The following WWOX variants were observed in gnomAD, a reference collection of about 807,000 sequenced individuals.
WWOX encodes WW domain containing oxidoreductase, also known as WW domain-containing oxidoreductase.
A neutral mutation model predicts 46.2 loss-of-function variants in WWOX; 69 were observed. The ratio of observed to expected loss-of-function variants is 1.49; its 90% CI spans 1.23 to 1.82. The LOEUF (loss-of-function observed/expected upper bound fraction) is 1.82. Among genes scored for constraint, WWOX ranks in the 40% most tolerant of loss-of-function variants. WWOX has a pLI of 0.00. For synonymous variants in WWOX, 359 were observed against 202.6 expected (o/e 1.77, Z -6.56); for missense variants, 919 against 542.6 (o/e 1.69, Z -6.89).
At chr16:78,852,307 A>G (rs11645747) in intron 8 of WWOX, among the ~76,000 whole-genome samples, 35,799 of 152,084 alleles carry the variant, frequency 0.24, 4,772 homozygotes, top group South Asian at 0.36. Flanking sequence ...GGGGGAAGTG[A>G]TAGCGCATGA....
chr16:78,433,336 T>G (rs548631627), intron 8 of WWOX, among the ~76,000 whole-genome samples: 15 of 152,330 alleles, frequency 9.8e-5, no homozygotes, highest in Admixed American at 2.6e-4. Context: ...TGGAAGTGTT[T>G]ACAAAGGTGA....
At chr16:79,208,958 C>G (rs914577006) in intron 8 of WWOX, among the ~76,000 whole-genome samples, 2 of 152,178 alleles carry the variant, frequency 1.3e-5, no homozygotes, top group Non-Finnish European at 2.9e-5. Flanking sequence ...AAGCATGAAT[C>G]TGAGAAGGAG....
chr16:78,591,232 T>G (rs529960939), intron 8 of WWOX, among the ~76,000 whole-genome samples: 1 of 152,158 alleles, frequency 6.6e-6, no homozygotes, highest in Non-Finnish European at 1.5e-5. Context: ...CACCTTCTCT[T>G]CCTATATGTA....
intron 8 of WWOX, among the ~76,000 whole-genome samples, chr16:78,649,045 C>T (rs2046907605): frequency 6.6e-6 from 1 of 152,142 alleles, no homozygotes; most frequent in Non-Finnish European, 1.5e-5. Context: ...GTGATCTTGG[C>T]TCACTGCAAA....
At chr16:78,994,124 A>G (rs1428495950) in intron 8 of WWOX, among the ~76,000 whole-genome samples, 1 of 152,220 alleles carries the variant, frequency 6.6e-6, no homozygotes, top group Non-Finnish European at 1.5e-5. Context: ...TCAACATTGG[A>G]TAAACCATCC....
intron 8 of WWOX, chr16:79,206,801 C>T (rs2051527164): frequency 2.0e-5 from 3 of 152,020 alleles, no homozygotes. Context: ...GGTGTGGTCA[C>T]CTAGCCAGGG....
chr16:78,189,041 G>A (rs982432806), intron 5 of WWOX, among the ~76,000 whole-genome samples: 1 of 152,148 alleles, frequency 6.6e-6, no homozygotes, highest in Non-Finnish European at 1.5e-5. Context: ...CATGCCTGAG[G>A]CCCAACCTTC....
chr16:78,122,210 T>G (rs1193578854), intron 4 of WWOX, among the ~76,000 whole-genome samples: 1 of 152,184 alleles, frequency 6.6e-6, no homozygotes, highest in Admixed American at 6.5e-5. Flanking sequence ...TTTTCAGGCA[T>G]CACTGTGGGT....
intron 5 of WWOX, among the ~76,000 whole-genome samples, chr16:78,194,289 A>G (rs2035977519): frequency 6.6e-6 from 1 of 152,014 alleles, no homozygotes; most frequent in South Asian, 2.1e-4. Flanking sequence ...TCTGTTTTTT[A>G]ATTAAAAAAT....
At chr16:78,278,547 C>A (rs893116085) in intron 5 of WWOX, 19 of 1,528,594 alleles carry the variant, frequency 1.2e-5, no homozygotes, top group Non-Finnish European at 1.4e-5. Context: ...AGAAACAGTT[C>A]TATGTTGTTC....
At chr16:78,722,698 G>GTTTT (rs56266240) in intron 8 of WWOX, among the ~76,000 whole-genome samples, 1 of 116,298 alleles carries the variant, frequency 8.6e-6, no homozygotes, top group Non-Finnish European at 1.7e-5. Context: ...GTTTGTCTCT[G>GTTTT]TTTTTTTTTT....
chr16:78,448,827 A>C (rs565339246), intron 8 of WWOX, among the ~76,000 whole-genome samples: 2 of 152,164 alleles, frequency 1.3e-5, no homozygotes, highest in East Asian at 1.9e-4. Flanking sequence ...GCTTCTGATC[A>C]TTGTCATGGT....
At chr16:78,396,195 C>G (rs1384730087) in intron 6 of WWOX, among the ~76,000 whole-genome samples, 1 of 152,142 alleles carries the variant, frequency 6.6e-6, no homozygotes, top group Non-Finnish European at 1.5e-5. Flanking sequence ...AGTTGTGATG[C>G]TTAGCAGTTT....
At chr16:78,807,724 T>C (rs1409515994) in intron 8 of WWOX, among the ~76,000 whole-genome samples, 1 of 152,202 alleles carries the variant, frequency 6.6e-6, no homozygotes, top group African/African-American at 2.4e-5. Flanking sequence ...GTTACATAAT[T>C]GGGGCTTCTC....
At chr16:78,530,317 C>A (rs1043367725) in intron 8 of WWOX, among the ~76,000 whole-genome samples, 5 of 152,150 alleles carry the variant, frequency 3.3e-5, no homozygotes, top group Non-Finnish European at 7.3e-5. Context: ...GGTTCTTGTC[C>A]AGTGTCCAGG....
intron 8 of WWOX, chr16:78,896,632 A>T (rs2044706192): frequency 1.3e-5 from 2 of 152,144 alleles, no homozygotes; most frequent in South Asian, 4.1e-4. Flanking sequence ...AGTAATTAGT[A>T]AACATTTTCA....
At chr16:79,122,986 G>T (rs1210435092) in intron 8 of WWOX, among the ~76,000 whole-genome samples, 1 of 152,222 alleles carries the variant, frequency 6.6e-6, no homozygotes, top group Non-Finnish European at 1.5e-5. Flanking sequence ...TGGGATTCCA[G>T]TTGCCCTTTT....
At chr16:79,122,042 TG>T (rs2049644741) in intron 8 of WWOX, among the ~76,000 whole-genome samples, 1 of 152,156 alleles carries the variant, frequency 6.6e-6, no homozygotes, top group Non-Finnish European at 1.5e-5. Context: ...ACAACCCTGA[TG>T]GGTCCCAGCT....
chr16:78,788,285 C>G (rs1428914748), intron 8 of WWOX, among the ~76,000 whole-genome samples: 1 of 152,124 alleles, frequency 6.6e-6, no homozygotes, highest in Non-Finnish European at 1.5e-5. Context: ...TGGCTCATAA[C>G]TCTCATAGCC....
Sources: allele counts gnomAD v4.1 joint callset (sites outside exome capture counted in the v4.1 genomes callset), GRCh38; gene constraint gnomAD v4.1.1; transcripts MANE v1.5; gene names NCBI Gene and HGNC (gene_info 2026-07-23, HGNC 2026-07-21).